Variants in ZDHHC2 observed in about 807,000 individuals in gnomAD.
ZDHHC2 encodes the protein zDHHC palmitoyltransferase 2, also known as palmitoyltransferase ZDHHC2.
Under a neutral mutation model 55.6 loss-of-function variants are expected in ZDHHC2, and 51 were observed. The ratio of observed to expected loss-of-function variants is 0.92; its 90% CI spans 0.73 to 1.16. The LOEUF (loss-of-function observed/expected upper bound fraction) is 1.16, where lower values mean the gene tolerates loss of function less well. ZDHHC2 is among the 50% of genes most tolerant of loss of function. The probability of loss-of-function intolerance (pLI) is 0.00; values close to 1 mark genes in which losing one functional copy is unlikely to be tolerated. For missense variants in ZDHHC2, 491 were observed against 442.4 expected (o/e 1.11, Z -0.99); for synonymous variants, 199 against 152.9 (o/e 1.30, Z -2.22).
intron 1 of ZDHHC2, among the ~76,000 whole-genome samples, chr8:17,160,075 G>A (rs922555352): frequency 6.6e-6 from 1 of 152,186 alleles, no homozygotes; most frequent in Admixed American, 6.6e-5. Context: ...TCCATTCAGC[G>A]AGCACACGAC....
rs1381399928 is a variant in ZDHHC2, at chr8:17,221,522, G to A, written c.*1301G>A. ...TACCTTTTAAAACTGGACCAACTAAGTAATTGGTATTTAATCAAAGAGAAA... is the reference window on the plus strand; with the variant it reads ...TACCTTTTAAAACTGGACCAACTAAATAATTGGTATTTAATCAAAGAGAAA... On this transcript the variant is annotated 3_prime_UTR_variant, in exon 13 of 13. Transcript: ENST00000262096. 1.3e-5 allele frequency: 2 copies of A among 152,474 alleles called. No individual in the cohort carries two copies. The highest frequency in any genetic ancestry group is 4.1e-4 in the South Asian group (2 of 4,820). The allele number at this position is 152,474 out of a possible 1,614,324, so 9.4% of individuals were successfully genotyped here. A position where few individuals can be genotyped will look rare whatever the true frequency, so the allele number is the denominator to read the frequency against.
In ZDHHC2 at chr8:17,186,607, C is replaced by T. The variant is rs545311228; in HGVS notation, c.252+182C>T. Among the ~76,000 whole-genome samples, 23 of 152,186 alleles carry T rather than the reference C, an allele frequency of 1.5e-4. No individual in the cohort carries two copies. In the South Asian group the frequency reaches 4.3e-3, roughly 29 times the overall value. On this transcript the variant is annotated intron_variant, in intron 3 of 12. Coordinates refer to ENST00000262096, the MANE Select transcript of ZDHHC2 (RefSeq NM_016353.5). ...TTTCACCTGGAAATATTAGTGTTTTCACCAGATAAGCACTGCATTTTCTGT... is the reference window on the plus strand; with the variant it reads ...TTTCACCTGGAAATATTAGTGTTTTTACCAGATAAGCACTGCATTTTCTGT...
chr8:17,181,787 A>T (rs1392757237), intron 1 of ZDHHC2, among the ~76,000 whole-genome samples: 1 of 152,172 alleles, frequency 6.6e-6, no homozygotes. Flanking sequence ...TTTGATTACC[A>T]TCTATATTGT....
chr8:17,222,951 C>G lies in ZDHHC2; in HGVS notation c.*2730C>G, dbSNP rs745467225. ...GGACAATTAGAAACAGACTATAAAACTCAACTACACTGTAATCAATAGACA... is the reference window on the plus strand; with the variant it reads ...GGACAATTAGAAACAGACTATAAAAGTCAACTACACTGTAATCAATAGACA... On this transcript the variant is annotated 3_prime_UTR_variant, in exon 13 of 13. Coordinates refer to ENST00000262096, the MANE Select transcript of ZDHHC2 (RefSeq NM_016353.5). 1.3e-5 allele frequency: 2 copies of G among 151,778 alleles called. No individual in the cohort carries two copies. The highest frequency in any genetic ancestry group is 4.8e-5 in the African/African-American group (2 of 41,396). The allele number at this position is 151,778 out of a possible 1,614,324, so 9.4% of individuals were successfully genotyped here. A position where few individuals can be genotyped will look rare whatever the true frequency, so the allele number is the denominator to read the frequency against.
intron 1 of ZDHHC2, among the ~76,000 whole-genome samples, chr8:17,181,134 G>T (rs1040065117): frequency 6.6e-6 from 1 of 152,126 alleles, no homozygotes; most frequent in African/African-American, 2.4e-5. Flanking sequence ...CTTTTCTCTT[G>T]AGTTTTTCAT....
At chr8:17,196,311 A>G (rs1023690741) in intron 4 of ZDHHC2, among the ~76,000 whole-genome samples, 7 of 152,150 alleles carry the variant, frequency 4.6e-5, no homozygotes, top group Non-Finnish European at 7.4e-5. Flanking sequence ...GAGCGCTTGA[A>G]GTATGGCCAG....
intron 1 of ZDHHC2, 64 bp downstream of exon 1, chr8:17,156,917 G>T (rs1804084024): frequency 1.4e-6 from 2 of 1,395,268 alleles, no homozygotes; most frequent in African/African-American, 1.5e-5. Context: ...GTCCCGGGAC[G>T]CTCAGCCGCT....
chr8:17,189,557 G>T (rs1041769871), intron 3 of ZDHHC2, among the ~76,000 whole-genome samples: 2 of 152,182 alleles, frequency 1.3e-5, no homozygotes, highest in African/African-American at 2.4e-5. Context: ...ACACATGCAG[G>T]TTTATTTTTA....
chr8:17,195,313 C>G (rs1806250737), intron 3 of ZDHHC2, among the ~76,000 whole-genome samples, 191 bp from the exon 4 acceptor site: 1 of 152,106 alleles, frequency 6.6e-6, no homozygotes, highest in Non-Finnish European at 1.5e-5. Context: ...TTATTATACC[C>G]TTTTTCTAGA....
At chr8:17,219,196 G>C (rs1807789500) in intron 12 of ZDHHC2, among the ~76,000 whole-genome samples, 1 of 124,822 alleles carries the variant, frequency 8.0e-6, no homozygotes, top group Non-Finnish European at 1.6e-5. Context: ...GTTGCAGTGA[G>C]CCAAAATCGT....
intron 6 of ZDHHC2, among the ~76,000 whole-genome samples, chr8:17,199,139 A>G (rs1008617919): frequency 1.3e-5 from 2 of 152,200 alleles, no homozygotes; most frequent in African/African-American, 4.8e-5. Flanking sequence ...AGACATGCCC[A>G]CAGGTCCACA....
chr8:17,174,362 C>T (rs1051791900), intron 1 of ZDHHC2, among the ~76,000 whole-genome samples: 4 of 152,164 alleles, frequency 2.6e-5, no homozygotes, highest in African/African-American at 9.7e-5. Context: ...GTTATGACAG[C>T]TGTAGCAAAT....
chr8:17,169,902 A>G (rs1054176915), intron 1 of ZDHHC2, among the ~76,000 whole-genome samples: 1 of 152,250 alleles, frequency 6.6e-6, no homozygotes, highest in Non-Finnish European at 1.5e-5. Context: ...TACATCTAGT[A>G]TATAAACAGG....
intron 1 of ZDHHC2, among the ~76,000 whole-genome samples, chr8:17,165,631 A>G (rs1315723158): frequency 6.6e-6 from 1 of 152,208 alleles, no homozygotes; most frequent in Non-Finnish European, 1.5e-5. Context: ...ATATCTATTG[A>G]CAGATGTTGG....
intron 1 of ZDHHC2, among the ~76,000 whole-genome samples, chr8:17,175,616 T>C (rs1018040302): frequency 5.3e-5 from 8 of 152,184 alleles, no homozygotes; most frequent in Non-Finnish European, 4.4e-5. Context: ...TCTAGGTGCT[T>C]TTACCTTCTA....
At chr8:17,193,749 A>G (rs1414395824) in intron 3 of ZDHHC2, among the ~76,000 whole-genome samples, 1 of 151,928 alleles carries the variant, frequency 6.6e-6, no homozygotes. Flanking sequence ...TTTAAATGTA[A>G]TAGTCCATCA....
chr8:17,196,802 T>C (rs1343515389), intron 4 of ZDHHC2, among the ~76,000 whole-genome samples: 3 of 151,318 alleles, frequency 2.0e-5, no homozygotes, highest in Non-Finnish European at 4.4e-5. Context: ...GCTACTCAGC[T>C]CAGGAGGCTG....
chr8:17,196,582 A>T (rs922310208), intron 4 of ZDHHC2, among the ~76,000 whole-genome samples: 3 of 92,994 alleles, frequency 3.2e-5, no homozygotes, highest in Non-Finnish European at 6.9e-5. Context: ...AAAAATGTTT[A>T]AAAAAAAAAA....
intron 1 of ZDHHC2, among the ~76,000 whole-genome samples, chr8:17,164,518 C>T (rs1804508894): frequency 1.3e-5 from 2 of 151,862 alleles, no homozygotes; most frequent in South Asian, 4.1e-4. Context: ...TTAATTAGAC[C>T]TTTTATTCAC....
Sources: gnomAD v4.1 joint callset for allele counts (sites outside exome capture counted in the v4.1 genomes callset) on GRCh38, gnomAD v4.1.1 for gene constraint, MANE v1.5 for transcripts, NCBI Gene and HGNC (gene_info 2026-07-23, HGNC 2026-07-21) for gene names.